Variants in SLC14A2 observed in about 807,000 individuals in gnomAD.
The protein encoded by SLC14A2 is solute carrier family 14 member 2, also known as urea transporter 2.
SLC14A2 carries 91 observed loss-of-function variants against 104.6 expected under a neutral mutation model. The observed-to-expected ratio is 0.87, with a 90% confidence interval of 0.73 to 1.04. The LOEUF (loss-of-function observed/expected upper bound fraction) is 1.04, where lower values mean the gene tolerates loss of function less well. SLC14A2 is among the 50% of genes least tolerant of loss of function. The pLI is 0.00. For synonymous variants in SLC14A2, 476 were observed against 466.4 expected (o/e 1.02, Z -0.27); for missense variants, 1,189 against 1,156.0 (o/e 1.03, Z -0.41).
chr18:45,307,382 C>T (rs1354125463), intron 1 of SLC14A2, among the ~76,000 whole-genome samples: 1 of 146,670 alleles, frequency 6.8e-6, no homozygotes, highest in African/African-American at 2.5e-5. Context: ...CACACCATTG[C>T]ACTCCAGCCT....
At chr18:45,222,206 G>A (rs62092126) in intron 1 of SLC14A2, among the ~76,000 whole-genome samples, 17,249 of 152,132 alleles carry the variant, frequency 0.11, 990 homozygotes, top group Non-Finnish European at 0.12. Context: ...AAATTGGACC[G>A]TATGAATGTT....
At chr18:45,465,720 C>T (rs2087128929) in intron 1 of SLC14A2, among the ~76,000 whole-genome samples, 1 of 152,090 alleles carries the variant, frequency 6.6e-6, no homozygotes, top group Non-Finnish European at 1.5e-5. Context: ...GAAATGCTTT[C>T]CTAGAGGTAG....
chr18:45,406,826 CT>C (rs1043488885), intron 1 of SLC14A2, among the ~76,000 whole-genome samples: 57 of 149,990 alleles, frequency 3.8e-4, no homozygotes, highest in Non-Finnish European at 5.3e-4. Context: ...TGAAAGTAAT[CT>C]TTTTTTTTTC....
chr18:45,672,681 G>A (rs142337285), intron 16 of SLC14A2, among the ~76,000 whole-genome samples: 50 of 152,242 alleles, frequency 3.3e-4, no homozygotes, highest in African/African-American at 1.2e-3. Context: ...CTAAATAAAG[G>A]AAACTCAACA....
chr18:45,612,415 T>A (rs2044987493), upstream of SLC14A2, among the ~76,000 whole-genome samples: 1 of 152,230 alleles, frequency 6.6e-6, no homozygotes, highest in Non-Finnish European at 1.5e-5. Context: ...CACTTTTGAT[T>A]GGGGTTCTTG....
intron 2 of SLC14A2, among the ~76,000 whole-genome samples, chr18:45,588,094 CTG>C (rs1190111006): frequency 6.6e-6 from 1 of 152,106 alleles, no homozygotes; most frequent in Non-Finnish European, 1.5e-5. Flanking sequence ...CATGGAAAGA[CTG>C]TCATTCAGAG....
intron 1 of SLC14A2, among the ~76,000 whole-genome samples, chr18:45,290,715 A>G (rs757736668): frequency 1.3e-5 from 2 of 152,230 alleles, no homozygotes; most frequent in Non-Finnish European, 2.9e-5. Context: ...TATTGGCTAC[A>G]TGTTGTCATT....
chr18:45,243,034 T>C (rs1409660717), intron 1 of SLC14A2, among the ~76,000 whole-genome samples: 3 of 152,176 alleles, frequency 2.0e-5, no homozygotes, highest in Non-Finnish European at 4.4e-5. Context: ...TATCATAGGA[T>C]TGAAAAAACT....
chr18:45,632,660 T>C (rs544601935), intron 5 of SLC14A2, among the ~76,000 whole-genome samples, 182 bp downstream of exon 5: 1 of 152,182 alleles, frequency 6.6e-6, no homozygotes, highest in Non-Finnish European at 1.5e-5. Context: ...TTTGGAGATA[T>C]GGAATAAGGA....
intron 13 of SLC14A2, among the ~76,000 whole-genome samples, chr18:45,667,612 C>G (rs2046049270): frequency 6.6e-6 from 1 of 152,192 alleles, no homozygotes; most frequent in Non-Finnish European, 1.5e-5. Context: ...GAAAAACAAC[C>G]TGGAGGTCAC....
At chr18:45,223,452 A>G (rs575242971) in intron 1 of SLC14A2, among the ~76,000 whole-genome samples, 36 of 152,290 alleles carry the variant, frequency 2.4e-4, no homozygotes, top group African/African-American at 8.4e-4. Context: ...ACTTGCCTGA[A>G]TGTCAGAAAT....
chr18:45,622,676 G>A (rs935756048), intron 1 of SLC14A2, among the ~76,000 whole-genome samples: 3 of 152,218 alleles, frequency 2.0e-5, no homozygotes, highest in East Asian at 1.9e-4. Context: ...GAGTGTGAAG[G>A]AGCAACCAGA....
chr18:45,261,803 A>G (rs1373412820), intron 1 of SLC14A2, among the ~76,000 whole-genome samples: 1 of 152,186 alleles, frequency 6.6e-6, no homozygotes, highest in African/African-American at 2.4e-5. Context: ...AATCCAGTCT[A>G]TCATTGTTGG....
At position 45,602,557 on chromosome 18, in the gene SLC14A2, C is replaced by T. The variant is rs186143391; in HGVS notation, c.-34-22074C>T. Among the ~76,000 whole-genome samples the T allele has an allele frequency of 8.5e-5, 13 of 152,298 alleles. No homozygotes were observed. In the South Asian group the frequency reaches 2.7e-3, roughly 32 times the overall value. ...TGGTGTGATGTGAAAAACACTTTCA[C>T]CCCCATACTCACTTCAGCTGCTCTA... On this transcript the variant is annotated intron_variant, in intron 2 of 20. Coordinates refer to the SLC14A2 transcript ENST00000586448.
At position 45,389,307 on chromosome 18, in the gene SLC14A2, C is replaced by T. The variant is rs541174161; in HGVS notation, c.-124-93926C>T. Among the ~76,000 whole-genome samples the T allele has an allele frequency of 1.4e-3, 209 of 152,332 alleles. 1 individual carries two copies. The highest frequency in any genetic ancestry group is 2.5e-3 in the Non-Finnish European group (170 of 68,028). Reference sequence around the variant, plus strand: ...ATTGGTTTGATGCTCTATAATTTCTCTATCTCATAAATATGGACTACAGAA... The same window carrying T: ...ATTGGTTTGATGCTCTATAATTTCTTTATCTCATAAATATGGACTACAGAA... On this transcript the variant is annotated intron_variant, in intron 1 of 20. Coordinates refer to the SLC14A2 transcript ENST00000586448.
At chr18:45,271,972 T>G (rs2084656059) in intron 1 of SLC14A2, among the ~76,000 whole-genome samples, 1 of 152,036 alleles carries the variant, frequency 6.6e-6, no homozygotes. Context: ...TGGAACAGAA[T>G]AGAGAACCCA....
chr18:45,539,029 C>A (rs1412336122), intron 2 of SLC14A2, among the ~76,000 whole-genome samples: 1 of 151,928 alleles, frequency 6.6e-6, no homozygotes, highest in African/African-American at 2.4e-5. Flanking sequence ...AAGACTTAAA[C>A]ACATTCCTTG....
intron 1 of SLC14A2, among the ~76,000 whole-genome samples, chr18:45,317,519 T>C (rs1316012900): frequency 1.3e-5 from 2 of 152,148 alleles, no homozygotes; most frequent in Non-Finnish European, 2.9e-5. Context: ...CTGTTTTAGA[T>C]GGGAAGGTCA....
In SLC14A2 at chr18:45,428,284, T is replaced by G. The variant is rs145266812; in HGVS notation, c.-124-54949T>G. Among the ~76,000 whole-genome samples, 1,500 of 152,306 alleles carry G rather than the reference T, an allele frequency of 9.8e-3. 16 individuals are homozygous for G. Among genetic ancestry groups the G allele is most frequent in the African/African-American group, 0.024 (999 of 41,572 alleles). ...CTAGGGATAGCATATATTTTAGCAA[T>G]ATTATATCTGACTCAAATAAAACAA... On this transcript the variant is annotated intron_variant, in intron 1 of 20. Coordinates refer to the SLC14A2 transcript ENST00000586448.
Sources: allele counts gnomAD v4.1 joint callset (sites outside exome capture counted in the v4.1 genomes callset), GRCh38; gene constraint gnomAD v4.1.1; transcripts MANE v1.5; gene names NCBI Gene and HGNC (gene_info 2026-07-23, HGNC 2026-07-21).